The following CIZ1 variants were observed in gnomAD, a reference collection of about 807,000 sequenced individuals.
CIZ1 encodes the protein CDKN1A interacting zinc finger protein 1.
In CIZ1, 58 loss-of-function variants were observed where a neutral mutation model predicts 118.6. That is an observed-to-expected ratio of 0.49 (90% confidence interval 0.40 to 0.61). CIZ1 has a LOEUF of 0.61. Ranked by LOEUF, CIZ1 falls within the 20% of genes least tolerant of loss-of-function variation. The pLI is 0.00. For missense variants in CIZ1, 921 were observed against 1,115.9 expected (o/e 0.83, Z 2.49); for synonymous variants, 448 against 443.4 (o/e 1.01, Z -0.13).
At chr9:128,180,304 T>C (rs1189551280) in intron 7 of CIZ1, 111 bp downstream of exon 7, 5 of 780,012 alleles carry the variant, frequency 6.4e-6, no homozygotes, top group Non-Finnish European at 1.1e-5. Context: ...GGCCCTTTCC[T>C]TGCTCCAGCT....
intron 4 of CIZ1, 93 bp from the exon 5 acceptor site, chr9:128,185,869 C>T: frequency 1.2e-6 from 1 of 866,804 alleles, no homozygotes. Flanking sequence ...ATCATGGGAA[C>T]ATCCCAGATA....
In CIZ1 at chr9:128,169,066, C is replaced by T. The variant is rs773524938; in HGVS notation, c.2281G>A (p.Glu761Lys). Reference sequence around the variant, plus strand: ...CCCCCCAGCACCTGCTTGCAGAGTTCCTCCTCAACCTCGATCTCTTCTTCA... The same window carrying T: ...CCCCCCAGCACCTGCTTGCAGAGTTTCTCCTCAACCTCGATCTCTTCTTCA... ...EDEEEIEVEE[E>K]LCKQVRSRDI... is the part of the protein sequence containing the mutation. Residue 761 changes from glutamate to lysine, a missense_variant, in exon 14 of 17, where the codon GAA becomes AAA. Coordinates refer to ENST00000372938, the MANE Select transcript of CIZ1 (RefSeq NM_001131016.2). 6.2e-7 allele frequency: 1 copy of T among 1,614,128 alleles called. No individual in the cohort carries two copies. The highest frequency in any genetic ancestry group is 8.5e-7 in the Non-Finnish European group (1 of 1,180,002).
chr9:128,183,069 G>A (rs1253978827), intron 5 of CIZ1, among the ~76,000 whole-genome samples: 1 of 152,170 alleles, frequency 6.6e-6, no homozygotes, highest in Non-Finnish European at 1.5e-5. Context: ...CCAGATGTCT[G>A]CTAAATGAAC....
chr9:128,179,505 G>T, intron 7 of CIZ1, 90 bp from the exon 8 acceptor site: 1 of 1,201,874 alleles, frequency 8.3e-7, no homozygotes, highest in Non-Finnish European at 1.1e-6. Flanking sequence ...GAGCGTGGTG[G>T]CTCGCATCTG....
At chr9:128,202,488 C>T (rs1015641895) in intron 1 of CIZ1, among the ~76,000 whole-genome samples, 1 of 152,166 alleles carries the variant, frequency 6.6e-6, no homozygotes. Flanking sequence ...ACAAGAGCTT[C>T]CAACTCTCCC....
chr9:128,201,652 C>T (rs1274622100), intron 1 of CIZ1, among the ~76,000 whole-genome samples: 1 of 152,180 alleles, frequency 6.6e-6, no homozygotes, highest in Non-Finnish European at 1.5e-5. Context: ...CACTGATGCT[C>T]CAGCTGTCTG....
chr9:128,186,042 C>T (rs2130999128), intron 4 of CIZ1, among the ~76,000 whole-genome samples: 1 of 152,162 alleles, frequency 6.6e-6, no homozygotes, highest in Admixed American at 6.5e-5. Flanking sequence ...CTCTGCTCAC[C>T]CTCAGGCATG....
At position 128,199,663 on chromosome 9, in the gene CIZ1, C is replaced by T. The variant is rs555611067; in HGVS notation, c.-6+4523G>A. Among the ~76,000 whole-genome samples the T allele has an allele frequency of 5.3e-5, 8 of 152,010 alleles. 1 individual carries two copies. Among genetic ancestry groups the T allele is most frequent in the Non-Finnish European group, 1.2e-4 (8 of 68,020 alleles). On this transcript the variant is annotated intron_variant, in intron 1 of 17. Coordinates refer to the CIZ1 transcript ENST00000372948. ...GAGGCTACAGGGAGCTGCGATTGTG[C>T]TACTGCACTCCAGTCTGGGCAGCTG...
Position 128,188,632 on chromosome 9 carries a change from CT to C in CIZ1, c.287-699del, listed in dbSNP as rs1009775531. ...CTGGCCAAGAGTGTGAGTTATTTTCCTTTTTTTTTTTCTTTTTTTGAGAAAG... is the reference window on the plus strand; with the variant it reads ...CTGGCCAAGAGTGTGAGTTATTTTCCTTTTTTTTTTCTTTTTTTGAGAAAG... On this transcript the variant is annotated intron_variant, in intron 3 of 16. Coordinates refer to ENST00000372938, the MANE Select transcript of CIZ1 (RefSeq NM_001131016.2). Among the ~76,000 whole-genome samples the C allele has an allele frequency of 2.2e-3, 313 of 145,570 alleles. 4 individuals carry two copies. The South Asian group carries it at 0.023, about 11-fold the overall frequency.
intron 7 of CIZ1, 22 bp downstream of exon 7, chr9:128,180,393 T>A: frequency 1.3e-6 from 2 of 1,589,498 alleles, no homozygotes; most frequent in Non-Finnish European, 1.7e-6. Context: ...CGGGCGCAGG[T>A]CAGGTTTTCA....
At chr9:128,201,941 C>T (rs1833535850) in intron 1 of CIZ1, among the ~76,000 whole-genome samples, 1 of 152,198 alleles carries the variant, frequency 6.6e-6, no homozygotes, top group Non-Finnish European at 1.5e-5. Context: ...ACTCTCTGAT[C>T]ACCATCTTCA....
intron 4 of CIZ1, among the ~76,000 whole-genome samples, chr9:128,186,746 C>A (rs529924197): frequency 6.6e-6 from 1 of 152,090 alleles, no homozygotes; most frequent in Non-Finnish European, 1.5e-5. Flanking sequence ...GTCCCTGTGC[C>A]GTCCTTCAGA....
At chr9:128,184,343 T>C (rs1053250120) in intron 5 of CIZ1, among the ~76,000 whole-genome samples, 5 of 152,148 alleles carry the variant, frequency 3.3e-5, no homozygotes, top group African/African-American at 1.2e-4. Flanking sequence ...TGATGACAGG[T>C]CGAAATGATA....
At position 128,190,675 on chromosome 9, in the gene CIZ1, G is replaced by C; in HGVS notation, c.170+13C>G. 6.4e-7 allele frequency: 1 copy of C among 1,550,612 alleles called. No homozygotes were observed. The highest frequency in any genetic ancestry group is 1.2e-5 in the South Asian group (1 of 84,256). On this transcript the variant is annotated intron_variant, in intron 2 of 16. Coordinates refer to ENST00000372938, the MANE Select transcript of CIZ1 (RefSeq NM_001131016.2). ...GCAAGGCTGAAGCCATCGCGCCCGA[G>C]AGGGGAACTCACCGGCTGACAGCCA...
At chr9:128,173,175 C>T (rs113135173) in intron 11 of CIZ1, among the ~76,000 whole-genome samples, 3,845 of 130,328 alleles carry the variant, frequency 0.03, 193 homozygotes, top group African/African-American at 0.11. Flanking sequence ...GACGGAGTCT[C>T]GCTCTGTCGC....
chr9:128,177,546 C>CAAAA lies in CIZ1; in HGVS notation c.1818+19_1818+20insTTTT. The CAAAA allele has an allele frequency of 4.4e-6, 6 of 1,353,426 alleles. No individual in the cohort carries two copies. The highest frequency in any genetic ancestry group is 4.9e-6 in the Non-Finnish European group (5 of 1,013,734). 83.8% of individuals were successfully genotyped at this position (1,353,426 alleles called of 1,614,324 possible). On this transcript the variant is annotated intron_variant, in intron 10 of 16. Coordinates refer to ENST00000372938, the MANE Select transcript of CIZ1 (RefSeq NM_001131016.2). ...CACGCAGGCCCCACCCCTCCCCACC[C>CAAAA]TTATCTCCTGTATCAGTACCTGCTG...
intron 1 of CIZ1, chr9:128,198,450 C>T (rs1158309609): frequency 2.0e-5 from 3 of 152,182 alleles, no homozygotes; most frequent in Non-Finnish European, 2.9e-5. Context: ...GACTTGACCC[C>T]GGAGCTGTGT....
Position 128,178,947 on chromosome 9 carries a change from CT to C in CIZ1, c.1259del (p.Gln420ArgfsTer76). 6.2e-7 allele frequency: 1 copy of C among 1,613,708 alleles called. No individual in the cohort carries two copies. The highest frequency in any genetic ancestry group is 8.5e-7 in the Non-Finnish European group (1 of 1,179,984). On this transcript the variant is annotated frameshift_variant, in exon 8 of 17. Transcript: ENST00000372938. LOFTEE classifies it high-confidence loss of function. ...TCTGGACCTGCTTCTGCAGCTGCAG[CT>C]GCACCTGCCTTGGGGGCTGTGAATG... ...QAHSQPPRQV[Q>X]LQLQKQVQTQ...
rs1031337374 is a variant in CIZ1, at chr9:128,191,477, G to A, written c.-51C>T. The A allele has an allele frequency of 5.0e-6, 5 of 990,388 alleles. No homozygotes were observed. In the African/African-American group the frequency reaches 7.0e-5, roughly 14 times the overall value. The allele number at this position is 990,388 out of a possible 1,614,324, so 61.4% of individuals were successfully genotyped here. A position where few individuals can be genotyped will look rare whatever the true frequency, so the allele number is the denominator to read the frequency against. ...CAACGCTCAAGTCGCCCCCACGGAT[G>A]GGCCGGCCCCGCAGCCCCCACGCCT... is the stretch of plus-strand genomic sequence containing the variant. On this transcript the variant is annotated 5_prime_UTR_variant, in exon 1 of 17. Coordinates refer to ENST00000372938, the MANE Select transcript of CIZ1 (RefSeq NM_001131016.2). The surrounding 1 kb of genome is among the most constrained non-coding windows in gnomAD (Gnocchi z 5.5).
Sources: allele counts gnomAD v4.1 joint callset (sites outside exome capture counted in the v4.1 genomes callset), GRCh38; gene constraint gnomAD v4.1.1; non-coding constraint Gnocchi (gnomAD v3.1); transcripts MANE v1.5; gene names NCBI Gene and HGNC (gene_info 2026-07-23, HGNC 2026-07-21).